The following DDX27 variants were observed in gnomAD, a reference collection of about 807,000 sequenced individuals.
DDX27 encodes the protein probable ATP-dependent RNA helicase DDX27.
DDX27 carries 42 observed loss-of-function variants against 99.3 expected under a neutral mutation model. The observed-to-expected ratio is 0.42, with a 90% CI of 0.33 to 0.55. The LOEUF is 0.55. Ranked by LOEUF, DDX27 falls within the 20% of genes least tolerant of loss-of-function variation. The pLI is 0.07. For missense variants in DDX27, 798 were observed against 976.8 expected (o/e 0.82, Z 2.44); for synonymous variants, 329 against 353.8 (o/e 0.93, Z 0.79).
At chr20:49,233,861 T>C (rs1025961163) in intron 11 of DDX27, 152 bp downstream of exon 11, 41 of 809,418 alleles carry the variant, frequency 5.1e-5, no homozygotes, top group Non-Finnish European at 7.7e-5. Context: ...ATCCGCTGCC[T>C]CTCTTCTCCA....
In DDX27 at chr20:49,239,110, G is replaced by A. The variant is rs1192096814; in HGVS notation, c.1794+55G>A. 3 of 1,540,452 alleles carry A rather than the reference G, an allele frequency of 1.9e-6. No homozygotes were observed. In the African/African-American group the frequency reaches 4.1e-5, roughly 21 times the overall value. On this transcript the variant is annotated intron_variant, in intron 15 of 20. Coordinates refer to ENST00000618172, the MANE Select transcript of DDX27 (RefSeq NM_017895.8). Reference sequence around the variant, plus strand: ...AAGGCTGCTCAGTAAGCAAGCTGCTGCATCCCTGCTGGTGCTGCCCTTCTG... The same window carrying A: ...AAGGCTGCTCAGTAAGCAAGCTGCTACATCCCTGCTGGTGCTGCCCTTCTG...
rs747830240 is a variant in DDX27, at chr20:49,242,171, G to A, written c.2081G>A (p.Arg694Gln). The A allele has an allele frequency of 2.6e-5, 42 of 1,614,014 alleles. 1 individual carries two copies. The Middle Eastern group carries it at 4.9e-4, about 19-fold the overall frequency. ...AKRNRRAKRA[R>Q]AMPEEEPVRG... ...AGGAATCGCAGAGCCAAGCGGGCCCGAGCAATGCCCGAGGAGGAGCCAGTG... is the reference window on the plus strand; with the variant it reads ...AGGAATCGCAGAGCCAAGCGGGCCCAAGCAATGCCCGAGGAGGAGCCAGTG... Residue 694 changes from arginine to glutamine, a missense_variant, in exon 18 of 21, where the codon CGA becomes CAA. Transcript: ENST00000618172.
intron 9 of DDX27, 133 bp downstream of exon 9, chr20:49,230,482 CT>C (rs1371866510): frequency 1.9e-6 from 2 of 1,053,616 alleles, no homozygotes; most frequent in African/African-American, 3.2e-5. Context: ...AGATCAGCCA[CT>C]TGTGCTGGGG....
At chr20:49,221,223 G>C in intron 1 of DDX27, among the ~76,000 whole-genome samples, 1 of 152,162 alleles carries the variant, frequency 6.6e-6, no homozygotes. Flanking sequence ...GCCTCCCAAA[G>C]TGCTGGGATT....
chr20:49,226,939 T>C (rs1305347539), intron 7 of DDX27, among the ~76,000 whole-genome samples: 1 of 129,764 alleles, frequency 7.7e-6, no homozygotes, highest in African/African-American at 2.9e-5. Flanking sequence ...CTCGGCTCAC[T>C]GCAAGCTCCG....
In DDX27 at chr20:49,219,663, C is replaced by G. The variant is rs1249216434; in HGVS notation, c.93+122C>G. On this transcript the variant is annotated intron_variant, in intron 1 of 20. Coordinates refer to ENST00000618172, the MANE Select transcript of DDX27 (RefSeq NM_017895.8). ...GCCCCGGAAGTTTCCCGAAAAGGAT[C>G]TCACCGGGACCCCAAGATCTTCCTC... 4.8e-6 allele frequency: 5 copies of G among 1,038,256 alleles called. No homozygotes were observed. The African/African-American group carries it at 6.6e-5, about 14-fold the overall frequency. 64.3% of individuals were successfully genotyped at this position (1,038,256 alleles called of 1,614,324 possible).
At chr20:49,227,421 C>T (rs1363418987) in intron 7 of DDX27, among the ~76,000 whole-genome samples, 1 of 152,142 alleles carries the variant, frequency 6.6e-6, no homozygotes, top group East Asian at 1.9e-4. Flanking sequence ...GGCTGGAGTG[C>T]GGTGGCGCAA....
Position 49,219,443 on chromosome 20 carries a change from G to C in DDX27, c.-6G>C, listed in dbSNP as rs1979543864. The C allele has an allele frequency of 6.2e-7, 1 of 1,613,968 alleles. No individual in the cohort carries two copies. Among genetic ancestry groups the C allele is most frequent in the African/African-American group, 1.3e-5 (1 of 74,912 alleles). ...GCTCGCTTCCGGAAGTGGCTTCTGCGACAACATGCTTGCGGACCTCGGCTT... is the reference window on the plus strand; with the variant it reads ...GCTCGCTTCCGGAAGTGGCTTCTGCCACAACATGCTTGCGGACCTCGGCTT... On this transcript the variant is annotated 5_prime_UTR_variant, in exon 1 of 21. Coordinates refer to ENST00000618172, the MANE Select transcript of DDX27 (RefSeq NM_017895.8).
intron 11 of DDX27, chr20:49,234,048 A>T: frequency 3.8e-6 from 1 of 264,610 alleles, no homozygotes; most frequent in Non-Finnish European, 7.4e-6. Context: ...GCCTTTTGTG[A>T]CTCTCTGCAT....
At chr20:49,242,326 T>A (rs983572539) in intron 18 of DDX27, 120 bp downstream of exon 18, 2 of 1,441,324 alleles carry the variant, frequency 1.4e-6, no homozygotes, top group Non-Finnish European at 1.9e-6. Context: ...GTAATTAGTA[T>A]GTACCAATGT....
intron 7 of DDX27, 119 bp downstream of exon 7, chr20:49,226,654 AT>A: frequency 3.1e-6 from 2 of 640,810 alleles, no homozygotes; most frequent in Non-Finnish European, 5.1e-6. Context: ...GAACTATTTC[AT>A]TTTTATTTTT....
At position 49,241,873 on chromosome 20, in the gene DDX27, A is replaced by T; in HGVS notation, c.1898-20A>T. 1 of 1,611,656 alleles carries T rather than the reference A, an allele frequency of 6.2e-7. No individual in the cohort carries two copies. Among genetic ancestry groups the T allele is most frequent in the Non-Finnish European group, 8.5e-7 (1 of 1,177,770 alleles). On this transcript the variant is annotated intron_variant, in intron 16 of 20. Transcript: ENST00000618172. ...AAGATAAAATCATCCCTGAAATCTT[A>T]TGCTTTCTTCTCATCCCAGTTGCCA... is the stretch of plus-strand genomic sequence containing the variant.
At chr20:49,228,525 G>A (rs1979981523) in intron 7 of DDX27, among the ~76,000 whole-genome samples, 190 bp from the exon 8 acceptor site, 2 of 151,930 alleles carry the variant, frequency 1.3e-5, no homozygotes, top group Non-Finnish European at 2.9e-5. Flanking sequence ...CGCCTGCCTC[G>A]GCGTCCCAAA....
At chr20:49,223,128 C>G in intron 3 of DDX27, 112 bp downstream of exon 3, 1 of 1,352,046 alleles carries the variant, frequency 7.4e-7, no homozygotes, top group Non-Finnish European at 1.0e-6. Context: ...GGGGCAGGCG[C>G]ACTCTTCTGT....
intron 6 of DDX27, among the ~76,000 whole-genome samples, chr20:49,225,790 C>T (rs1979866028): frequency 6.6e-6 from 1 of 152,120 alleles, no homozygotes; most frequent in South Asian, 2.1e-4. Context: ...CATCGTGTCC[C>T]TCCTCTTCTT....
Position 49,242,699 on chromosome 20 carries a change from C to G in DDX27, c.2204+18C>G, listed in dbSNP as rs751456180. The G allele has an allele frequency of 5.2e-6, 8 of 1,525,102 alleles. No homozygotes were observed. The highest frequency in any genetic ancestry group is 2.9e-5 in the African/African-American group (2 of 69,582). The allele number at this position is 1,525,102 out of a possible 1,614,324, so 94.5% of individuals were successfully genotyped here. A position where few individuals can be genotyped will look rare whatever the true frequency, so the allele number is the denominator to read the frequency against. ...CGAGCTGGGTAGGATTTTAAGTCAT[C>G]ATGGAGCCCTTGGTATTCTTTTTTT... On this transcript the variant is annotated intron_variant, in intron 19 of 20. Transcript: ENST00000618172.
intron 6 of DDX27, 63 bp from the exon 7 acceptor site, chr20:49,226,365 CCT>C (rs1979885947): frequency 7.8e-7 from 1 of 1,283,964 alleles, no homozygotes; most frequent in African/African-American, 1.5e-5. Flanking sequence ...GGAAACCTGC[CCT>C]GTTTGTGTTG....
Position 49,226,925 on chromosome 20 carries a change from G to A in DDX27, c.706+390G>A, listed in dbSNP as rs369813201. On this transcript the variant is annotated intron_variant, in intron 7 of 20. Coordinates refer to ENST00000618172, the MANE Select transcript of DDX27 (RefSeq NM_017895.8). ...TCGCCCAGGCTGGAGTGCAGTGGCG[G>A]GATCTCGGCTCACTGCAAGCTCCGC... is the stretch of plus-strand genomic sequence containing the variant. Among the ~76,000 whole-genome samples the A allele has an allele frequency of 5.0e-4, 66 of 130,990 alleles. No individual in the cohort carries two copies. The East Asian group carries it at 0.014, about 28-fold the overall frequency. The allele number at this position is 130,990 out of a possible 152,430, so 85.9% of individuals were successfully genotyped here.
intron 9 of DDX27, among the ~76,000 whole-genome samples, chr20:49,232,319 A>G (rs1243581872): frequency 6.6e-6 from 1 of 152,150 alleles, no homozygotes; most frequent in East Asian, 1.9e-4. Context: ...TCTTGCACTA[A>G]AACAAAAGGT....
Sources: gnomAD v4.1 joint callset for allele counts (sites outside exome capture counted in the v4.1 genomes callset) on GRCh38, gnomAD v4.1.1 for gene constraint, MANE v1.5 for transcripts, NCBI Gene and HGNC (gene_info 2026-07-23, HGNC 2026-07-21) for gene names.